PPL: variants seen among roughly 807,000 people sequenced by gnomAD.
PPL encodes the protein periplakin.
A neutral mutation model predicts 194.4 loss-of-function variants in PPL; 198 were observed. That is an observed-to-expected ratio of 1.02 (90% CI 0.91 to 1.15). The LOEUF (loss-of-function observed/expected upper bound fraction) is 1.15. Ranked by LOEUF, PPL falls within the 50% of genes most tolerant of loss-of-function variation. PPL has a pLI of 0.00. For missense variants in PPL, 2,885 were observed against 2,294.8 expected (o/e 1.26, Z -5.25); for synonymous variants, 1,220 against 972.4 (o/e 1.25, Z -4.74).
chr16:4,910,050 C>CG (rs1568031975), intron 2 of PPL, among the ~76,000 whole-genome samples: 1 of 152,102 alleles, frequency 6.6e-6, no homozygotes, highest in African/African-American at 2.4e-5. Context: ...CCAATCGCAC[C>CG]GGGCTGGCGC....
At chr16:4,931,712 C>T (rs2089227906) in intron 1 of PPL, among the ~76,000 whole-genome samples, 1 of 152,176 alleles carries the variant, frequency 6.6e-6, no homozygotes, top group Non-Finnish European at 1.5e-5. Flanking sequence ...AGCAGCTTCT[C>T]CCCCAGGTCC....
chr16:4,916,542 G>A (rs2088920305), intron 1 of PPL, among the ~76,000 whole-genome samples: 1 of 151,996 alleles, frequency 6.6e-6, no homozygotes, highest in African/African-American at 2.4e-5. Flanking sequence ...GTCTCACTCT[G>A]TTGCCCAGGC....
intron 1 of PPL, among the ~76,000 whole-genome samples, chr16:4,916,018 C>T (rs2088909780): frequency 6.6e-6 from 1 of 152,128 alleles, no homozygotes; most frequent in South Asian, 2.1e-4. Flanking sequence ...CACTTTTCAT[C>T]CACTACAATG....
In PPL at chr16:4,883,123, G is replaced by A; in HGVS notation, c.*261C>T. On this transcript the variant is annotated 3_prime_UTR_variant, in exon 22 of 22. Transcript: ENST00000345988. The surrounding 1 kb of genome is among the most constrained non-coding windows in gnomAD (Gnocchi z 4.8). Reference sequence around the variant, plus strand: ...TTGTTGCTGGGAGTGTACAGGAAAAGGGAGGAAAAGGCATCGCAGTTGTCC... The same window carrying A: ...TTGTTGCTGGGAGTGTACAGGAAAAAGGAGGAAAAGGCATCGCAGTTGTCC... 4.1e-6 allele frequency: 2 copies of A among 482,428 alleles called. No individual in the cohort carries two copies. The highest frequency in any genetic ancestry group is 7.5e-6 in the Non-Finnish European group (2 of 266,922). 29.9% of individuals were successfully genotyped at this position (482,428 alleles called of 1,614,324 possible). A position where few individuals can be genotyped will look rare whatever the true frequency, so the allele number is the denominator to read the frequency against.
chr16:4,886,492 G>A lies in PPL; in HGVS notation c.2608-445C>T, dbSNP rs556148397. 4.6e-5 allele frequency among the ~76,000 whole-genome samples: 7 copies of A among 152,334 alleles called. 1 individual carries two copies. The South Asian group carries it at 6.2e-4, about 14-fold the overall frequency. ...AGGATTTACCAGCAGCATTGTTTCC[G>A]CTCTCTGGACAGACCGCAGTTTAGC... On this transcript the variant is annotated intron_variant, in intron 21 of 21. Coordinates refer to ENST00000345988, the MANE Select transcript of PPL (RefSeq NM_002705.5).
rs771062967 is a variant in PPL, at chr16:4,899,383, G to A, written c.608C>T (p.Ala203Val). Residue 203 changes from alanine (A) to valine (V), a missense_variant and splice_region_variant, in exon 7 of 22, where the codon GCA becomes GTA. Physicochemically the swap from Ala to Val is moderately conservative, Grantham distance 64. Transcript: ENST00000345988. ...GTGCTGCTGCCGGGCCTGTGATGCT[G>A]CCTGAAGGGGCCGGGGCAAGGAAAG... The part of the protein sequence containing the change: ...ELRAKYQKLL[A>V]ASQARQQHLS... 2.4e-5 allele frequency: 39 copies of A among 1,603,378 alleles called. No homozygotes were observed. The highest frequency in any genetic ancestry group is 3.1e-5 in the Non-Finnish European group (36 of 1,174,828).
chr16:4,884,273 A>G lies in PPL; in HGVS notation c.4382T>C (p.Leu1461Pro), dbSNP rs762621405. The G allele has an allele frequency of 8.7e-6, 14 of 1,612,906 alleles. No homozygotes were observed. Among genetic ancestry groups the G allele is most frequent in the African/African-American group, 1.3e-5 (1 of 74,932 alleles). The change falls in exon 22 of 22, where the codon CTG becomes CCG. Residue 1461 changes from leucine to proline, a missense_variant. Leu to Pro is a moderately conservative substitution (Grantham distance 98). Coordinates refer to ENST00000345988, the MANE Select transcript of PPL (RefSeq NM_002705.5). This position sits in a 1 kb window ranked among gnomAD's most constrained non-coding sequence, Gnocchi z 5.7. ...CTCTTCTTCCAGCTGGAGTCGGAGC[A>G]GGGCATGCTCTCGCGCCTGCTGCGG... ...QDPQQAREHA[L>P]LRLQLEEEQH... is the part of the protein sequence containing the mutation.
At position 4,902,804 on chromosome 16, in the gene PPL, C is replaced by G. The variant is rs574041072; in HGVS notation, c.318-278G>C. Among the ~76,000 whole-genome samples, 1 of 152,138 alleles carries G rather than the reference C, an allele frequency of 6.6e-6. No homozygotes were observed. Among genetic ancestry groups the G allele is most frequent in the Non-Finnish European group, 1.5e-5 (1 of 68,022 alleles). ...TCCCAGGTTCAAGCAATTCTCCTGC[C>G]TCAACCTCCCGAGTAGCTGGGATTA... is the stretch of plus-strand genomic sequence containing the variant. On this transcript the variant is annotated intron_variant, in intron 3 of 21. Transcript: ENST00000345988. This position sits in a 1 kb window ranked among gnomAD's most constrained non-coding sequence, Gnocchi z 4.0.
chr16:4,894,379 G>A lies in PPL; in HGVS notation c.1394+88C>T, dbSNP rs2088378373. 5 of 1,523,726 alleles carry A rather than the reference G, an allele frequency of 3.3e-6. No homozygotes were observed. The Admixed American group carries it at 5.7e-5, about 17-fold the overall frequency. 94.4% of individuals were successfully genotyped at this position (1,523,726 alleles called of 1,614,324 possible). A position where few individuals can be genotyped will look rare whatever the true frequency, so the allele number is the denominator to read the frequency against. ...AGCGACCCCGCGCTCCCCACAGGCT[G>A]AGTCCAAATCCCCGGGGCTATGAAT... On this transcript the variant is annotated intron_variant, in intron 12 of 21. Coordinates refer to ENST00000345988, the MANE Select transcript of PPL (RefSeq NM_002705.5).
intron 1 of PPL, among the ~76,000 whole-genome samples, chr16:4,932,411 CT>C (rs59920775): frequency 0.022 from 3,155 of 140,680 alleles, 71 homozygotes; most frequent in African/African-American, 0.071. Context: ...AGTCATGAAT[CT>C]TTTTTTTTTT....
At chr16:4,924,412 C>A (rs1050543267) in intron 1 of PPL, among the ~76,000 whole-genome samples, 1 of 152,160 alleles carries the variant, frequency 6.6e-6, no homozygotes, top group African/African-American at 2.4e-5. Flanking sequence ...CTGGGGCACC[C>A]GGACCTGCTT....
chr16:4,912,809 G>C (rs1235593825), intron 1 of PPL, among the ~76,000 whole-genome samples: 1 of 152,142 alleles, frequency 6.6e-6, no homozygotes, highest in Non-Finnish European at 1.5e-5. Context: ...CAGAGCGCCT[G>C]AAAGAGACTT....
chr16:4,902,566 C>T lies in PPL; in HGVS notation c.318-40G>A, dbSNP rs748221754. ...GCTCCCACTTAGTGGGGCTGGTTGG[C>T]ACTGCCTGCACCCCAGGAGGGGCCC... On this transcript the variant is annotated intron_variant, in intron 3 of 21. Coordinates refer to ENST00000345988, the MANE Select transcript of PPL (RefSeq NM_002705.5). This position sits in a 1 kb window ranked among gnomAD's most constrained non-coding sequence, Gnocchi z 4.0. The T allele has an allele frequency of 6.2e-7, 1 of 1,600,178 alleles. No homozygotes were observed. Among genetic ancestry groups the T allele is most frequent in the South Asian group, 1.1e-5 (1 of 87,942 alleles).
chr16:4,933,304 G>T (rs141813542), intron 1 of PPL, among the ~76,000 whole-genome samples: 1 of 152,238 alleles, frequency 6.6e-6, no homozygotes, highest in Non-Finnish European at 1.5e-5. Flanking sequence ...CCATCAGGGC[G>T]GCCCCAGTGT....
At chr16:4,897,164 A>G (rs966579349) in intron 9 of PPL, among the ~76,000 whole-genome samples, 2 of 151,234 alleles carry the variant, frequency 1.3e-5, no homozygotes, top group African/African-American at 2.4e-5. Context: ...GCGAAACCCC[A>G]TCTTTACTGA....
chr16:4,931,286 C>T (rs1183550041), intron 1 of PPL, among the ~76,000 whole-genome samples: 1 of 152,110 alleles, frequency 6.6e-6, no homozygotes, highest in Non-Finnish European at 1.5e-5. Flanking sequence ...ATTGCTTGAG[C>T]CCAGCAGTTC....
At chr16:4,896,108 C>A (rs1568006814) in intron 9 of PPL, among the ~76,000 whole-genome samples, 1 of 152,162 alleles carries the variant, frequency 6.6e-6, no homozygotes, top group Non-Finnish European at 1.5e-5. Context: ...CTCGAAAATT[C>A]TCTTGCCCAT....
At chr16:4,893,044 GCCCTGCCACCTCCATGACTTGGGAC>G (rs1319674717) in intron 14 of PPL, 144 bp downstream of exon 14, 1 of 840,974 alleles carries the variant, frequency 1.2e-6, no homozygotes, top group East Asian at 2.9e-5. Context: ...AATGACAGCA[GCCCTGCCACCTCCATGACTTGGGAC>G]CCTTTTACAT....
intron 2 of PPL, among the ~76,000 whole-genome samples, chr16:4,907,308 T>TCTCA (rs911179349): frequency 1.4e-5 from 2 of 145,636 alleles, no homozygotes; most frequent in African/African-American, 5.2e-5. Context: ...ATATCTAATC[T>TCTCA]CACACACACA....
Sources: gnomAD v4.1 joint callset for allele counts (sites outside exome capture counted in the v4.1 genomes callset) on GRCh38, gnomAD v4.1.1 for gene constraint, Gnocchi (gnomAD v3.1) non-coding constraint, MANE v1.5 for transcripts, NCBI Gene and HGNC (gene_info 2026-07-23, HGNC 2026-07-21) for gene names.